The following PPP6R3 variants were observed in gnomAD, a reference collection of about 807,000 sequenced individuals.
PPP6R3 encodes serine/threonine-protein phosphatase 6 regulatory subunit 3.
In PPP6R3, 38 loss-of-function variants were observed where a neutral mutation model predicts 110.7. That is an observed-to-expected ratio of 0.34 (90% CI 0.26 to 0.45). The LOEUF (loss-of-function observed/expected upper bound fraction) is 0.45, where lower values mean the gene tolerates loss of function less well. Ranked by LOEUF, PPP6R3 falls within the 20% of genes least tolerant of loss-of-function variation. PPP6R3 has a pLI of 1.00. For missense variants in PPP6R3, 870 were observed against 1,062.4 expected (o/e 0.82, Z 2.52); for synonymous variants, 369 against 373.5 (o/e 0.99, Z 0.14).
chr11:68,524,780 G>T (rs1042176758), intron 2 of PPP6R3, among the ~76,000 whole-genome samples: 11 of 152,164 alleles, frequency 7.2e-5, no homozygotes, highest in Non-Finnish European at 1.6e-4. Context: ...TGTGTTTTCT[G>T]TGCATTTTGA....
intron 1 of PPP6R3, among the ~76,000 whole-genome samples, chr11:68,503,719 T>G (rs1004460969): frequency 5.9e-5 from 9 of 152,060 alleles, no homozygotes; most frequent in African/African-American, 2.2e-4. Context: ...GATCGCAGAT[T>G]GGAATGAGGT....
At chr11:68,489,739 C>G (rs1185808510) in intron 1 of PPP6R3, among the ~76,000 whole-genome samples, 6 of 151,224 alleles carry the variant, frequency 4.0e-5, no homozygotes, top group African/African-American at 1.5e-4. Context: ...AATGGTATTG[C>G]ACACTTAATA....
At chr11:68,502,775 C>T (rs1166258495) in intron 1 of PPP6R3, among the ~76,000 whole-genome samples, 2 of 152,078 alleles carry the variant, frequency 1.3e-5, no homozygotes, top group African/African-American at 4.8e-5. Context: ...GTTGGATGGG[C>T]AGCTTGTGAT....
At chr11:68,513,699 A>G (rs1193622376) in intron 1 of PPP6R3, among the ~76,000 whole-genome samples, 2 of 152,214 alleles carry the variant, frequency 1.3e-5, no homozygotes, top group South Asian at 4.1e-4. Flanking sequence ...GCTATGCTAT[A>G]TATTTAGTCT....
intron 1 of PPP6R3, among the ~76,000 whole-genome samples, chr11:68,478,688 C>A (rs545903848): frequency 4.8e-4 from 38 of 79,156 alleles, no homozygotes; most frequent in Non-Finnish European, 7.2e-4. Flanking sequence ...GATGGAGTCT[C>A]GCTTTGTCGC....
At chr11:68,469,713 A>G (rs2153232552) in intron 1 of PPP6R3, among the ~76,000 whole-genome samples, 1 of 152,016 alleles carries the variant, frequency 6.6e-6, no homozygotes, top group South Asian at 2.1e-4. Context: ...TTGTAATTGG[A>G]CTATGAATTC....
At chr11:68,491,328 CTGTGTG>C (rs60972668) in intron 1 of PPP6R3, among the ~76,000 whole-genome samples, 11,805 of 123,422 alleles carry the variant, frequency 0.096, 548 homozygotes, top group African/African-American at 0.11. Context: ...GTGTCTTCAG[CTGTGTG>C]TGTGTGTGTG....
At chr11:68,483,799 A>T (rs989405487) in intron 1 of PPP6R3, among the ~76,000 whole-genome samples, 4 of 152,208 alleles carry the variant, frequency 2.6e-5, no homozygotes, top group African/African-American at 9.7e-5. Context: ...AAAAGTTTTG[A>T]AAAATGTATA....
chr11:68,569,927 A>T (rs757998648), intron 11 of PPP6R3, 30 bp downstream of exon 11: 3 of 1,578,488 alleles, frequency 1.9e-6, no homozygotes, highest in Non-Finnish European at 2.6e-6. Context: ...TTTTTCTCCC[A>T]CTCTCTCCTG....
At chr11:68,592,671 A>G (rs2099599147) in intron 18 of PPP6R3, among the ~76,000 whole-genome samples, 1 of 152,230 alleles carries the variant, frequency 6.6e-6, no homozygotes, top group Admixed American at 6.5e-5. Context: ...CGTCTTCTGC[A>G]TGTTGAGTTA....
At chr11:68,571,294 C>T in intron 12 of PPP6R3, 190 bp downstream of exon 12, 2 of 848,784 alleles carry the variant, frequency 2.4e-6, no homozygotes, top group Non-Finnish European at 3.3e-6. Flanking sequence ...TTGTTAGGTC[C>T]TCTTGTTTTT....
chr11:68,572,271 G>A (rs181185145), intron 12 of PPP6R3, among the ~76,000 whole-genome samples: 2 of 152,234 alleles, frequency 1.3e-5, no homozygotes, highest in African/African-American at 4.8e-5. Flanking sequence ...CATCTGGCCA[G>A]GGCTCAGATA....
chr11:68,461,494 T>TGGGGGG (rs61434771), intron 1 of PPP6R3, among the ~76,000 whole-genome samples: 10 of 83,340 alleles, frequency 1.2e-4, no homozygotes, highest in East Asian at 4.0e-4. Context: ...GAGCCGGGGG[T>TGGGGGG]GGGGGGGGTG....
chr11:68,497,248 G>T (rs2099023085), intron 1 of PPP6R3, among the ~76,000 whole-genome samples: 1 of 151,078 alleles, frequency 6.6e-6, no homozygotes, highest in African/African-American at 2.4e-5. Flanking sequence ...TAGAGATGGG[G>T]TTTCACCGTG....
At chr11:68,462,432 A>G (rs2098714484) in intron 1 of PPP6R3, among the ~76,000 whole-genome samples, 1 of 152,240 alleles carries the variant, frequency 6.6e-6, no homozygotes, top group African/African-American at 2.4e-5. Flanking sequence ...GAGATGGTTA[A>G]ATACAGAAAA....
At chr11:68,477,694 T>C (rs982442544) in intron 1 of PPP6R3, among the ~76,000 whole-genome samples, 7 of 138,820 alleles carry the variant, frequency 5.0e-5, no homozygotes, top group Non-Finnish European at 1.1e-4. Context: ...GCCACTGCAC[T>C]CCAGCCTGAG....
chr11:68,574,069 C>G, intron 12 of PPP6R3, 40 bp from the exon 13 acceptor site: 1 of 1,414,496 alleles, frequency 7.1e-7, no homozygotes, highest in Non-Finnish European at 1.0e-6. Context: ...TCACTTCATC[C>G]TATCAGGAAT....
intron 11 of PPP6R3, among the ~76,000 whole-genome samples, chr11:68,570,744 A>G (rs575127463): frequency 6.6e-6 from 1 of 152,110 alleles, no homozygotes; most frequent in Non-Finnish European, 1.5e-5. Context: ...TCTGTTCTGA[A>G]TTTTCACAGC....
chr11:68,498,748 T>A (rs1470685192), intron 1 of PPP6R3, among the ~76,000 whole-genome samples: 2 of 152,242 alleles, frequency 1.3e-5, no homozygotes, highest in Admixed American at 6.5e-5. Context: ...TAGATGGTAG[T>A]TTTGGGCTGT....
Sources: allele counts gnomAD v4.1 joint callset (sites outside exome capture counted in the v4.1 genomes callset), GRCh38; gene constraint gnomAD v4.1.1; transcripts MANE v1.5; gene names NCBI Gene and HGNC (gene_info 2026-07-23, HGNC 2026-07-21).